SGCZ: variants seen among roughly 807,000 people sequenced by gnomAD.
SGCZ encodes the protein zeta-sarcoglycan.
SGCZ carries 40 observed loss-of-function variants against 41.3 expected under a neutral mutation model. The observed-to-expected ratio is 0.97, with a 90% CI of 0.75 to 1.26. The LOEUF is 1.26. SGCZ is among the 50% of genes most tolerant of loss of function. The probability of loss-of-function intolerance (pLI) is 0.00; values close to 1 mark genes in which losing one functional copy is unlikely to be tolerated. For synonymous variants in SGCZ, 206 were observed against 137.5 expected, an observed-to-expected ratio of 1.50 and a Z score of -3.49; for missense variants, 552 against 369.8, an observed-to-expected ratio of 1.49 and a Z score of -4.04.
At chr8:15,055,889 C>T (rs1055953012) in intron 1 of SGCZ, among the ~76,000 whole-genome samples, 3 of 152,192 alleles carry the variant, frequency 2.0e-5, no homozygotes, top group Non-Finnish European at 2.9e-5. Flanking sequence ...GTCCAGTTCC[C>T]CTGTGACCTG....
chr8:14,616,041 T>C (rs1806089700), intron 1 of SGCZ, among the ~76,000 whole-genome samples: 1 of 152,086 alleles, frequency 6.6e-6, no homozygotes, highest in Admixed American at 6.5e-5. Flanking sequence ...CCCAGCACTT[T>C]GGGAGGCTGA....
intron 4 of SGCZ, among the ~76,000 whole-genome samples, chr8:14,173,498 G>C (rs557122747): frequency 6.6e-6 from 1 of 152,038 alleles, no homozygotes; most frequent in Non-Finnish European, 1.5e-5. Context: ...CTAAATTCGC[G>C]TATTATAATT....
Position 14,715,635 on chromosome 8 carries a change from A to G in SGCZ, c.40-160709T>C, listed in dbSNP as rs138699992. 5.1e-4 allele frequency among the ~76,000 whole-genome samples: 78 copies of G among 152,220 alleles called. No homozygotes were observed. The East Asian group carries it at 0.014, about 27-fold the overall frequency. On this transcript the variant is annotated intron_variant, in intron 1 of 7. Coordinates refer to ENST00000382080, the MANE Select transcript of SGCZ (RefSeq NM_139167.4). ...AGGCACATGACAAAATACGAAAATT[A>G]TGTCTGATAATTCCTAAGGAAAAGC...
At chr8:14,242,432 T>C (rs1183130280) in intron 3 of SGCZ, among the ~76,000 whole-genome samples, 1 of 152,176 alleles carries the variant, frequency 6.6e-6, no homozygotes, top group Non-Finnish European at 1.5e-5. Context: ...CCCTGACCAT[T>C]TGAGTTCAAG....
At chr8:14,377,830 T>C (rs1456257737) in intron 2 of SGCZ, among the ~76,000 whole-genome samples, 2 of 151,972 alleles carry the variant, frequency 1.3e-5, no homozygotes, top group Non-Finnish European at 2.9e-5. Flanking sequence ...ATTACCAATT[T>C]CATCCATGTC....
chr8:14,722,069 C>G (rs1395565979), intron 1 of SGCZ, among the ~76,000 whole-genome samples: 1 of 152,184 alleles, frequency 6.6e-6, no homozygotes, highest in Non-Finnish European at 1.5e-5. Flanking sequence ...GTCAAACTAT[C>G]TCAAAATCTC....
chr8:15,129,670 A>G (rs778722888), intron 1 of SGCZ, among the ~76,000 whole-genome samples: 2 of 141,720 alleles, frequency 1.4e-5, no homozygotes, highest in Admixed American at 7.9e-5. Flanking sequence ...CACTCAAGCC[A>G]CAAGGTCCCG....
chr8:14,538,424 G>A (rs1274814263), intron 2 of SGCZ, among the ~76,000 whole-genome samples: 3 of 151,910 alleles, frequency 2.0e-5, no homozygotes, highest in Non-Finnish European at 2.9e-5. Context: ...TGAAGCAAGA[G>A]TAGAACATTC....
At chr8:15,035,062 T>G (rs1803824845) in intron 1 of SGCZ, among the ~76,000 whole-genome samples, 1 of 152,100 alleles carries the variant, frequency 6.6e-6, no homozygotes, top group South Asian at 2.1e-4. Context: ...AGAAAACTAG[T>G]AGTCTACTGG....
At chr8:14,349,112 T>C (rs1802998122) in intron 2 of SGCZ, among the ~76,000 whole-genome samples, 1 of 152,126 alleles carries the variant, frequency 6.6e-6, no homozygotes, top group Non-Finnish European at 1.5e-5. Flanking sequence ...AGCTCACTAA[T>C]CTCAAATCTA....
intron 1 of SGCZ, among the ~76,000 whole-genome samples, chr8:15,209,364 C>T (rs753618125): frequency 8.6e-5 from 13 of 150,854 alleles, no homozygotes; most frequent in Non-Finnish European, 1.6e-4. Context: ...TTAAGGCTTC[C>T]GGAATCAAAA....
chr8:14,551,473 T>TTATATATAA (rs1433818053), intron 2 of SGCZ, among the ~76,000 whole-genome samples: 3 of 11,538 alleles, frequency 2.6e-4, no homozygotes, highest in African/African-American at 9.2e-4. Flanking sequence ...ATTATATATA[T>TTATATATAA]TATATATTAT....
chr8:15,159,731 GCCCCCCCCACCCTCCCCCCCA>G (rs1799449280), intron 1 of SGCZ, among the ~76,000 whole-genome samples: 1 of 8,168 alleles, frequency 1.2e-4, no homozygotes, highest in African/African-American at 5.1e-4. Context: ...CCTCGCCCCC[GCCCCCCCCACCCTCCCCCCCA>G]CCCCCGCCAC....
intron 1 of SGCZ, among the ~76,000 whole-genome samples, chr8:15,141,302 G>C (rs1358593996): frequency 6.6e-6 from 1 of 152,108 alleles, no homozygotes; most frequent in Non-Finnish European, 1.5e-5. Context: ...TCTTTTTCCT[G>C]GTAAGATCTG....
chr8:14,600,881 C>T (rs978947669), intron 1 of SGCZ, among the ~76,000 whole-genome samples: 5 of 151,326 alleles, frequency 3.3e-5, no homozygotes, highest in African/African-American at 1.2e-4. Context: ...TTAAAATAGA[C>T]CTCAAGCCTT....
intron 1 of SGCZ, among the ~76,000 whole-genome samples, chr8:14,681,651 T>C (rs146904881): frequency 6.6e-6 from 1 of 152,308 alleles, no homozygotes; most frequent in African/African-American, 2.4e-5. Context: ...AGATTAGATG[T>C]AAAATTCAGC....
At chr8:14,869,844 A>G (rs1475516748) in intron 1 of SGCZ, among the ~76,000 whole-genome samples, 1 of 151,998 alleles carries the variant, frequency 6.6e-6, no homozygotes, top group Admixed American at 6.6e-5. Context: ...CACACTTGCT[A>G]CAAAGGAAAT....
intron 2 of SGCZ, among the ~76,000 whole-genome samples, chr8:14,498,571 C>T (rs1443340648): frequency 6.6e-6 from 1 of 151,988 alleles, no homozygotes; most frequent in South Asian, 2.1e-4. Context: ...TTCTTTAATT[C>T]TTTTGCCTTT....
At chr8:14,211,424 G>A (rs1418742187) in intron 4 of SGCZ, among the ~76,000 whole-genome samples, 2 of 152,142 alleles carry the variant, frequency 1.3e-5, no homozygotes, top group African/African-American at 4.8e-5. Context: ...AGGACCTCAG[G>A]CGAGACATCT....
Sources: allele counts gnomAD v4.1 joint callset (sites outside exome capture counted in the v4.1 genomes callset), GRCh38; gene constraint gnomAD v4.1.1; transcripts MANE v1.5; gene names NCBI Gene and HGNC (gene_info 2026-07-23, HGNC 2026-07-21).